Variants in HSD17B2 observed in about 807,000 individuals in gnomAD.
The protein encoded by HSD17B2 is hydroxysteroid 17-beta dehydrogenase 2, also known as 17-beta-hydroxysteroid dehydrogenase type 2.
In HSD17B2, 32 loss-of-function variants were observed where a neutral mutation model predicts 26.9. The observed-to-expected ratio is 1.19, with a 90% CI of 0.90 to 1.60. HSD17B2 has a LOEUF of 1.60. HSD17B2 is among the 40% of genes most tolerant of loss of function. The pLI is 0.00. For synonymous variants in HSD17B2, 246 were observed against 186.7 expected (o/e 1.32, Z -2.59); for missense variants, 613 against 468.6 (o/e 1.31, Z -2.85).
chr16:82,043,935 T>G (rs1470640757), intron 1 of HSD17B2, among the ~76,000 whole-genome samples: 2 of 152,226 alleles, frequency 1.3e-5, no homozygotes, highest in Non-Finnish European at 2.9e-5. Context: ...ACTCTGCTCT[T>G]GGAAGTCACA....
chr16:82,067,029 G>C (rs923905401), intron 1 of HSD17B2, among the ~76,000 whole-genome samples: 1 of 152,122 alleles, frequency 6.6e-6, no homozygotes, highest in African/African-American at 2.4e-5. Context: ...GTGGATTTTA[G>C]TCCTGCACAT....
chr16:82,058,071 ATT>A (rs72053726), intron 1 of HSD17B2, among the ~76,000 whole-genome samples: 103 of 141,180 alleles, frequency 7.3e-4, no homozygotes, highest in African/African-American at 1.3e-3. Flanking sequence ...GTTGTTGTTA[ATT>A]TTTTTTTTTT....
intron 3 of HSD17B2, among the ~76,000 whole-genome samples, chr16:82,075,632 A>C (rs562826737): frequency 1.3e-5 from 2 of 152,132 alleles, no homozygotes; most frequent in African/African-American, 4.8e-5. Flanking sequence ...GAGATGGATA[A>C]ATTCTTACAG....
In HSD17B2 at chr16:82,077,280, T is replaced by G. The variant is rs1051232400; in HGVS notation, c.664+6153T>G. Among the ~76,000 whole-genome samples the G allele has an allele frequency of 1.8e-4, 27 of 152,166 alleles. 1 individual carries two copies. Among genetic ancestry groups the G allele is most frequent in the Non-Finnish European group, 4.4e-5 (3 of 68,020 alleles). The stretch of plus-strand genomic sequence containing the variant: ...GACTTCAGATTATACTACAGAGCCG[T>G]AGTAACCAAAACAGCATGGTACCAG... On this transcript the variant is annotated intron_variant, in intron 3 of 4. Coordinates refer to ENST00000199936, the MANE Select transcript of HSD17B2 (RefSeq NM_002153.3).
At chr16:82,068,054 C>G in intron 1 of HSD17B2, 116 bp from the exon 2 acceptor site, 1 of 887,338 alleles carries the variant, frequency 1.1e-6, no homozygotes, top group Non-Finnish European at 1.7e-6. Flanking sequence ...TCCTCAGGAA[C>G]CCCTCTCTTC....
chr16:82,057,549 G>A (rs918788919), intron 1 of HSD17B2, among the ~76,000 whole-genome samples: 7 of 152,136 alleles, frequency 4.6e-5, no homozygotes, highest in Non-Finnish European at 7.3e-5. Context: ...CTTTCAAAGC[G>A]TACAGCTTGG....
chr16:82,046,101 G>A (rs541327138), intron 1 of HSD17B2, among the ~76,000 whole-genome samples: 24 of 152,348 alleles, frequency 1.6e-4, no homozygotes, highest in African/African-American at 5.5e-4. Context: ...TGTGAGCCGT[G>A]GCTGGGGCCG....
At position 82,035,560 on chromosome 16, in the gene HSD17B2, G is replaced by A. The variant is rs1913602314; in HGVS notation, c.136G>A (p.Ala46Thr). 1.9e-6 allele frequency: 3 copies of A among 1,613,912 alleles called. No homozygotes were observed. The highest frequency in any genetic ancestry group is 2.7e-5 in the African/African-American group (2 of 74,890). Residue 46 changes from alanine (A) to threonine (T), a missense_variant, in exon 1 of 5, where the codon GCA (alanine) becomes ACA (threonine). Ala to Thr is a moderately conservative substitution (Grantham distance 58). Coordinates refer to ENST00000199936, the MANE Select transcript of HSD17B2 (RefSeq NM_002153.3). The stretch of plus-strand genomic sequence containing the variant: ...GATGGTCTGCCTGGCAGGCCTCTGT[G>A]CAGTCTGCCTGCTCATCCTGTCCCC... ...SWMVCLAGLCAVCLLILSPFW... is the reference protein window; with the variant it reads ...SWMVCLAGLCTVCLLILSPFW...
chr16:82,062,851 TC>T (rs1914478488), intron 1 of HSD17B2, among the ~76,000 whole-genome samples: 1 of 152,204 alleles, frequency 6.6e-6, no homozygotes, highest in Non-Finnish European at 1.5e-5. Context: ...TTTTCCCCTC[TC>T]CTCAAGGAGT....
At chr16:82,062,728 C>A (rs1396022622) in intron 1 of HSD17B2, among the ~76,000 whole-genome samples, 3 of 152,236 alleles carry the variant, frequency 2.0e-5, no homozygotes, top group Non-Finnish European at 4.4e-5. Flanking sequence ...AACATGCAAT[C>A]CATACTTGGT....
chr16:82,044,968 A>C (rs369459399), intron 1 of HSD17B2, among the ~76,000 whole-genome samples: 1 of 151,886 alleles, frequency 6.6e-6, no homozygotes, highest in Non-Finnish European at 1.5e-5. Context: ...AAATACAAAA[A>C]TTATTAGGGC....
intron 3 of HSD17B2, 186 bp downstream of exon 3, chr16:82,071,313 T>C (rs1397781358): frequency 1.5e-6 from 1 of 663,930 alleles, no homozygotes; most frequent in South Asian, 1.7e-5. Flanking sequence ...TTCTTTCATG[T>C]AGAAACTCTT....
At chr16:82,097,185 T>C (rs986219555) in intron 4 of HSD17B2, 13 of 152,006 alleles carry the variant, frequency 8.6e-5, no homozygotes, top group African/African-American at 3.1e-4. Flanking sequence ...AGCACCATTG[T>C]GCCCAGCTAA....
At chr16:82,076,336 G>C (rs145022420) in intron 3 of HSD17B2, among the ~76,000 whole-genome samples, 1 of 152,140 alleles carries the variant, frequency 6.6e-6, no homozygotes, top group South Asian at 2.1e-4. Context: ...ACACGACAAG[G>C]ATGCCCACTT....
At chr16:82,072,803 T>G (rs1479753168) in intron 3 of HSD17B2, among the ~76,000 whole-genome samples, 1 of 152,120 alleles carries the variant, frequency 6.6e-6, no homozygotes, top group Non-Finnish European at 1.5e-5. Flanking sequence ...AGGATGTAAC[T>G]CCAGCACTTT....
chr16:82,090,786 G>C (rs1035621530), intron 3 of HSD17B2, 116 bp from the exon 4 acceptor site: 1 of 1,010,564 alleles, frequency 9.9e-7, no homozygotes, highest in Non-Finnish European at 1.4e-6. Flanking sequence ...GCCTGCCTTT[G>C]TCTGCCCAAG....
intron 3 of HSD17B2, 161 bp downstream of exon 3, chr16:82,071,288 T>G (rs763997281): frequency 1.7e-5 from 12 of 704,452 alleles, no homozygotes; most frequent in Admixed American, 8.4e-5. Context: ...AATAAAACCT[T>G]TCTCTTCTTT....
intron 4 of HSD17B2, chr16:82,094,534 G>C (rs1904783724): frequency 6.6e-6 from 1 of 152,130 alleles, no homozygotes; most frequent in South Asian, 2.1e-4. Flanking sequence ...TGCAGTGCCT[G>C]GGTTCTTCCT....
chr16:82,097,120 G>A (rs1904862044), intron 4 of HSD17B2: 1 of 151,106 alleles, frequency 6.6e-6, no homozygotes, highest in Non-Finnish European at 1.5e-5. Context: ...CCTCCAACTC[G>A]TGGGCTCGAG....
Sources: allele counts gnomAD v4.1 joint callset (sites outside exome capture counted in the v4.1 genomes callset), GRCh38; gene constraint gnomAD v4.1.1; transcripts MANE v1.5; gene names NCBI Gene and HGNC (gene_info 2026-07-23, HGNC 2026-07-21).